The following PCDH11Y variants were observed in gnomAD, a reference collection of about 807,000 sequenced individuals.
PCDH11Y encodes the protein protocadherin-11 Y-linked.
For missense variants in PCDH11Y, 12 were observed against 224.8 expected, an observed-to-expected ratio of 0.05 and a Z score of 6.05; for synonymous variants, 9 against 83.6, an observed-to-expected ratio of 0.11 and a Z score of 4.87.
chrY:5,051,863 T>C, upstream of PCDH11Y, among the ~76,000 whole-genome samples: 1 of 33,328 alleles, frequency 3.0e-5, no homozygotes, highest in Non-Finnish European at 7.4e-5. Context: ...AGTTTCAGAA[T>C]ACACAGGAAA....
chrY:5,440,737 C>CTA (rs1270510256), intron 2 of PCDH11Y, among the ~76,000 whole-genome samples: 54 of 8,579 alleles, frequency 6.3e-3, no homozygotes, highest in East Asian at 0.039. Context: ...TTTTAATAAA[C>CTA]TATATATATA....
intron 2 of PCDH11Y, among the ~76,000 whole-genome samples, chrY:5,167,417 A>C: frequency 3.2e-5 from 1 of 30,918 alleles, no homozygotes; most frequent in Non-Finnish European, 7.9e-5. Context: ...CCATTAAAAC[A>C]TCCAATAAAC....
intron 2 of PCDH11Y, among the ~76,000 whole-genome samples, chrY:5,146,648 G>A (rs2052857120): frequency 3.4e-5 from 1 of 29,622 alleles, no homozygotes; most frequent in East Asian, 9.1e-4. Context: ...CCTCATTATT[G>A]TTTATATTTG....
intron 2 of PCDH11Y, among the ~76,000 whole-genome samples, chrY:5,404,006 A>G (rs2053236290): frequency 1.1e-3 from 37 of 33,239 alleles, no homozygotes; most frequent in African/African-American, 4.2e-3. Flanking sequence ...TAGACTCAGT[A>G]ATAGTAGGAA....
intron 2 of PCDH11Y, among the ~76,000 whole-genome samples, chrY:5,174,090 T>A: frequency 4.0e-5 from 1 of 24,711 alleles, no homozygotes; most frequent in African/African-American, 1.5e-4. Context: ...ACCACATATA[T>A]ATCAATGTGG....
chrY:5,120,179 T>C, intron 2 of PCDH11Y, among the ~76,000 whole-genome samples: 2 of 32,676 alleles, frequency 6.1e-5, no homozygotes, highest in Admixed American at 2.8e-4. Flanking sequence ...AGATGTCTAA[T>C]CAACAGGATC....
At chrY:5,697,181 A>T in intron 4 of PCDH11Y, among the ~76,000 whole-genome samples, 1 of 32,905 alleles carries the variant, frequency 3.0e-5, no homozygotes, top group Non-Finnish European at 7.5e-5. Context: ...TCAAGGATTG[A>T]TCTAATATTG....
intron 4 of PCDH11Y, 96 bp from the exon 6 acceptor site, chrY:5,737,176 T>A: frequency 3.2e-6 from 1 of 317,018 alleles, no homozygotes; most frequent in Non-Finnish European, 4.6e-6. Context: ...ATATAGGTTG[T>A]TACCTTTTTT....
intron 2 of PCDH11Y, among the ~76,000 whole-genome samples, chrY:5,176,427 G>A (rs374517230): frequency 0.053 from 1,601 of 30,446 alleles, no homozygotes; most frequent in African/African-American, 0.21. Context: ...TGCTTTTGGT[G>A]TTTTGGACAT....
upstream of PCDH11Y, among the ~76,000 whole-genome samples, chrY:5,054,067 A>T: frequency 1.3e-4 from 4 of 30,661 alleles, no homozygotes; most frequent in African/African-American, 2.6e-4. Flanking sequence ...AAGTATAATT[A>T]AAAAAATTAA....
At chrY:5,338,854 C>G in intron 2 of PCDH11Y, 1 of 334,853 alleles carries the variant, frequency 3.0e-6, no homozygotes. Flanking sequence ...CCGAGAGGTT[C>G]ATGTCATCAA....
chrY:5,079,412 C>T, intron 1 of PCDH11Y, among the ~76,000 whole-genome samples: 1 of 33,231 alleles, frequency 3.0e-5, no homozygotes, highest in African/African-American at 1.2e-4. Flanking sequence ...TGCAGAGGTT[C>T]TCCATGAGTT....
rs2053321413 is a variant in PCDH11Y at position 5,477,968 on chromosome Y, G to A, written c.3130-23089G>A. Among the ~76,000 whole-genome samples the A allele has an allele frequency of 9.3e-5, 3 of 32,253 alleles. No homozygotes were observed. In the South Asian group the frequency reaches 2.1e-3, roughly 22 times the overall value. The allele number at this position is 32,253 out of a possible 37,273, so 86.5% of individuals were successfully genotyped here. A position where few individuals can be genotyped will look rare whatever the true frequency, so the allele number is the denominator to read the frequency against. On this transcript the variant is annotated intron_variant, in intron 2 of 4. Coordinates refer to the PCDH11Y transcript ENST00000400457. ...TTAAAAAAAAACTTTTCATAAAACC[G>A]GTTCCTGGATTCACTGATTTTTTTG...
chrY:5,487,435 G>T (rs2053335053), intron 2 of PCDH11Y, among the ~76,000 whole-genome samples: 1 of 33,077 alleles, frequency 3.0e-5, no homozygotes, highest in Non-Finnish European at 7.4e-5. Flanking sequence ...CTGACCTTTT[G>T]ATCCACCCTC....
chrY:5,577,343 G>GA (rs2053447093), intron 3 of PCDH11Y, among the ~76,000 whole-genome samples: 1 of 31,557 alleles, frequency 3.2e-5, no homozygotes, highest in African/African-American at 1.2e-4. Flanking sequence ...TTCAGAAATG[G>GA]AAAAAAAAGT....
At chrY:5,096,688 A>ATT (rs1451630867) in intron 1 of PCDH11Y, among the ~76,000 whole-genome samples, 2 of 3,193 alleles carry the variant, frequency 6.3e-4, no homozygotes, top group Non-Finnish European at 1.1e-3. Flanking sequence ...CAGGGAGGGG[A>ATT]TTTTTTTTTT....
At chrY:5,730,058 G>A in intron 4 of PCDH11Y, among the ~76,000 whole-genome samples, 17 of 32,787 alleles carry the variant, frequency 5.2e-4, no homozygotes, top group African/African-American at 2.0e-3. Context: ...ATAATGTGAT[G>A]CCTCCAGCTT....
chrY:5,553,109 A>G (rs2053420168), intron 3 of PCDH11Y, among the ~76,000 whole-genome samples: 1 of 34,343 alleles, frequency 2.9e-5, no homozygotes, highest in Admixed American at 2.6e-4. Context: ...ACTTAATGAC[A>G]ATGTTTTGAT....
chrY:5,560,279 A>G (rs2053427482), intron 3 of PCDH11Y, among the ~76,000 whole-genome samples: 1 of 33,729 alleles, frequency 3.0e-5, no homozygotes, highest in South Asian at 6.5e-4. Flanking sequence ...TGTAAGGAAA[A>G]CAGATATAAA....
Sources: gnomAD v4.1 joint callset for allele counts (sites outside exome capture counted in the v4.1 genomes callset) on GRCh38, gnomAD v4.1.1 for gene constraint, MANE v1.5 for transcripts, NCBI Gene and HGNC (gene_info 2026-07-23, HGNC 2026-07-21) for gene names.